The following SCTR variants were observed in gnomAD, a reference collection of about 807,000 sequenced individuals.
SCTR encodes the protein pancreatic secretin receptor.
SCTR carries 56 observed loss-of-function variants against 60.8 expected under a neutral mutation model. The ratio of observed to expected loss-of-function variants is 0.92; its 90% CI spans 0.74 to 1.15. SCTR has a LOEUF of 1.15. Among genes scored for constraint, SCTR ranks in the 50% most tolerant of loss-of-function variants. The pLI, the probability that SCTR is intolerant of heterozygous loss-of-function variation, is 0.00. For synonymous variants in SCTR, 202 were observed against 217.0 expected, an observed-to-expected ratio of 0.93 and a Z score of 0.61; for missense variants, 562 against 550.4, an observed-to-expected ratio of 1.02 and a Z score of -0.21.
intron 2 of SCTR, among the ~76,000 whole-genome samples, chr2:119,491,861 G>T (rs1678145674): frequency 6.6e-6 from 1 of 152,160 alleles, no homozygotes; most frequent in Non-Finnish European, 1.5e-5. Flanking sequence ...CTGAGTCATG[G>T]GGACAATGGC....
chr2:119,471,671 G>A (rs986170026), intron 4 of SCTR, among the ~76,000 whole-genome samples: 4 of 152,196 alleles, frequency 2.6e-5, no homozygotes, highest in African/African-American at 9.6e-5. Flanking sequence ...TACCCTCCAA[G>A]GGACAGGCAA....
At chr2:119,458,097 C>G (rs1026513819) in intron 7 of SCTR, among the ~76,000 whole-genome samples, 1 of 147,602 alleles carries the variant, frequency 6.8e-6, no homozygotes, top group Non-Finnish European at 1.5e-5. Context: ...AGTTCAAGAC[C>G]AGCCTGGGCA....
intron 3 of SCTR, among the ~76,000 whole-genome samples, chr2:119,474,606 A>G (rs1183176578): frequency 6.6e-6 from 1 of 152,188 alleles, no homozygotes; most frequent in Non-Finnish European, 1.5e-5. Context: ...GAGCCTTAAC[A>G]GCCCCAGCTG....
intron 11 of SCTR, among the ~76,000 whole-genome samples, chr2:119,446,104 G>A (rs1682916073): frequency 6.6e-6 from 1 of 152,160 alleles, no homozygotes. Context: ...GAATTAGTAG[G>A]TAAGCGCTTT....
rs146398370 is a variant in SCTR, at chr2:119,509,268, C to G, written c.73-14720G>C. Among the ~76,000 whole-genome samples, 250 of 152,252 alleles carry G rather than the reference C, an allele frequency of 1.6e-3. 2 individuals carry two copies. The highest frequency in any genetic ancestry group is 5.7e-3 in the African/African-American group (238 of 41,544). ...AGAGCCCAGCCTGGATCAATCACAC[C>G]CTAGCTCAACTGTAAATGCCAAGAG... On this transcript the variant is annotated intron_variant, in intron 1 of 12. Coordinates refer to ENST00000019103, the MANE Select transcript of SCTR (RefSeq NM_002980.3).
At chr2:119,497,378 G>T (rs1382670342) in intron 1 of SCTR, among the ~76,000 whole-genome samples, 1 of 151,894 alleles carries the variant, frequency 6.6e-6, no homozygotes, top group Non-Finnish European at 1.5e-5. Flanking sequence ...AAAAGAGAAG[G>T]CTTGAATAAG....
chr2:119,462,820 T>C (rs938542359), intron 6 of SCTR, among the ~76,000 whole-genome samples: 1 of 152,226 alleles, frequency 6.6e-6, no homozygotes. Flanking sequence ...TCCTGCCTTA[T>C]GGCCTTCCCA....
intron 12 of SCTR, 70 bp downstream of exon 12, chr2:119,441,488 A>G (rs1682652230): frequency 1.6e-6 from 2 of 1,239,562 alleles, no homozygotes; most frequent in Non-Finnish European, 2.4e-6. Flanking sequence ...CCTCCCAGGT[A>G]GCTCCTTCTG....
At chr2:119,464,486 G>A (rs1230447234) in intron 5 of SCTR, among the ~76,000 whole-genome samples, 1 of 151,936 alleles carries the variant, frequency 6.6e-6, no homozygotes, top group Non-Finnish European at 1.5e-5. Context: ...CCACAGTGTG[G>A]CTCACACCTG....
intron 7 of SCTR, among the ~76,000 whole-genome samples, chr2:119,454,729 C>G (rs553709897): frequency 6.6e-6 from 1 of 152,126 alleles, no homozygotes; most frequent in Admixed American, 6.5e-5. Context: ...TGGTGCATGC[C>G]TGTAATCCCA....
chr2:119,455,442 G>A (rs1683336846), intron 7 of SCTR, among the ~76,000 whole-genome samples: 1 of 152,146 alleles, frequency 6.6e-6, no homozygotes, highest in African/African-American at 2.4e-5. Flanking sequence ...TCAGAGAAAA[G>A]GAACTCAGAG....
intron 7 of SCTR, among the ~76,000 whole-genome samples, chr2:119,458,306 G>GAAA (rs111894328): frequency 1.2e-5 from 1 of 84,874 alleles, no homozygotes; most frequent in African/African-American, 4.7e-5. Flanking sequence ...ACCCTATCTT[G>GAAA]AAAAAAAAAA....
At chr2:119,504,405 C>T (rs934026899) in intron 1 of SCTR, among the ~76,000 whole-genome samples, 5 of 152,008 alleles carry the variant, frequency 3.3e-5, no homozygotes, top group Non-Finnish European at 5.9e-5. Context: ...TCAGCCTGAC[C>T]AAGATGGTGA....
intron 8 of SCTR, 135 bp downstream of exon 8, chr2:119,453,152 A>T (rs1190387044): frequency 2.9e-6 from 2 of 681,876 alleles, no homozygotes; most frequent in East Asian, 5.4e-5. Flanking sequence ...AGTGAGCATC[A>T]GTCCAGGGAA....
Position 119,512,305 on chromosome 2 carries a change from TCTTCCC to T in SCTR, c.72+11844_72+11849del, listed in dbSNP as rs70947298. 0.035 allele frequency among the ~76,000 whole-genome samples: 4,035 copies of T among 114,688 alleles called. 583 individuals carry two copies. The East Asian group carries it at 0.37, about 10-fold the overall frequency. 75.2% of individuals were successfully genotyped at this position (114,688 alleles called of 152,430 possible). The stretch of plus-strand genomic sequence containing the variant: ...GTCTTCGTGATCTTCTTCCTCTTCC[TCTTCCC>T]CTTCCCCTTCCCCTTCCCCTTCCCC... On this transcript the variant is annotated intron_variant, in intron 1 of 12. Coordinates refer to ENST00000019103, the MANE Select transcript of SCTR (RefSeq NM_002980.3).
Position 119,444,926 on chromosome 2 carries a change from C to CACATATATTCGTACGAATATACAT in SCTR, c.1140+1832_1140+1833insATGTATATTCGTACGAATATATGT. The stretch of plus-strand genomic sequence containing the variant: ...ATATACATATATTCGTACGAATATA[C>CACATATATTCGTACGAATATACAT]ACATATATTCGTACGAATATATATA... On this transcript the variant is annotated intron_variant, in intron 11 of 12. Coordinates refer to ENST00000019103, the MANE Select transcript of SCTR (RefSeq NM_002980.3). Among the ~76,000 whole-genome samples the CACATATATTCGTACGAATATACAT allele has an allele frequency of 1.9e-3, 4 of 2,072 alleles. 2 individuals carry two copies. The highest frequency in any genetic ancestry group is 4.4e-3 in the Non-Finnish European group (4 of 908). 1.4% of individuals were successfully genotyped at this position (2,072 alleles called of 152,430 possible). A position where few individuals can be genotyped will look rare whatever the true frequency, so the allele number is the denominator to read the frequency against.
chr2:119,478,784 G>T, intron 3 of SCTR, 27 bp downstream of exon 3: 3 of 1,610,742 alleles, frequency 1.9e-6, no homozygotes, highest in Non-Finnish European at 2.5e-6. Context: ...CAGCCTGTCC[G>T]CCAGGCCCCA....
At chr2:119,486,775 C>T (rs570994177) in intron 2 of SCTR, 38 of 152,116 alleles carry the variant, frequency 2.5e-4, no homozygotes, top group African/African-American at 8.7e-4. Context: ...ATTTAAATTG[C>T]CTAGAATGTT....
chr2:119,503,356 C>A (rs1472063554), intron 1 of SCTR, among the ~76,000 whole-genome samples: 1 of 151,862 alleles, frequency 6.6e-6, no homozygotes. Context: ...TGCTTGAGTC[C>A]AGGAGTTCAA....
Sources: allele counts gnomAD v4.1 joint callset (sites outside exome capture counted in the v4.1 genomes callset), GRCh38; gene constraint gnomAD v4.1.1; transcripts MANE v1.5; gene names NCBI Gene and HGNC (gene_info 2026-07-23, HGNC 2026-07-21).